Variants in ADSL observed in about 807,000 individuals in gnomAD.
The protein encoded by ADSL is adenylosuccinate lyase, also known as adenylosuccinase.
A neutral mutation model predicts 62.1 loss-of-function variants in ADSL; 44 were observed. That is an observed-to-expected ratio of 0.71 (90% CI 0.56 to 0.91). The LOEUF is 0.91. Among genes scored for constraint, ADSL ranks in the 40% least tolerant of loss-of-function variants. ADSL has a pLI of 0.00. For synonymous variants in ADSL, 198 were observed against 220.5 expected (o/e 0.90, Z 0.90); for missense variants, 531 against 627.4 (o/e 0.85, Z 1.64).
Position 40,353,136 on chromosome 22 carries a change from T to G in ADSL, c.402+19T>G, listed in dbSNP as rs2044412056. The G allele has an allele frequency of 1.2e-6, 2 of 1,605,406 alleles. No individual in the cohort carries two copies. Among genetic ancestry groups the G allele is most frequent in the Non-Finnish European group, 1.7e-6 (2 of 1,172,062 alleles). ...GCCAAAGGTAAGGAGTTGGCAGATG[T>G]TTCCTACCAACCCTAGATTCCCTAT... On this transcript the variant is annotated intron_variant, in intron 3 of 12. Transcript: ENST00000623063.
Position 40,346,729 on chromosome 22 carries a change from G to A in ADSL, c.153+18G>A, listed in dbSNP as rs777474271. On this transcript the variant is annotated intron_variant, in intron 1 of 12. Coordinates refer to ENST00000623063, the MANE Select transcript of ADSL (RefSeq NM_000026.4). ...CCGAGCAGGTAACGGATCCCGGGCT[G>A]AGGGGCTGGGCCGGGAGGGACGGGC... 1 of 1,591,756 alleles carries A rather than the reference G, an allele frequency of 6.3e-7. No homozygotes were observed.
At chr22:40,370,774 C>A (rs2045255354), downstream of ADSL, 1 of 152,320 alleles carries the variant, frequency 6.6e-6, no homozygotes, top group South Asian at 2.1e-4. Flanking sequence ...TGTGGTCGGA[C>A]TGTCCGACCG....
At chr22:40,379,275 T>C (rs2047175426) in intron 2 of ADSL, 1 of 152,248 alleles carries the variant, frequency 6.6e-6, no homozygotes. Flanking sequence ...TGAATGAGTA[T>C]TTCCTCAACA....
intron 2 of ADSL, among the ~76,000 whole-genome samples, chr22:40,351,584 G>C (rs543783422): frequency 9.8e-5 from 15 of 152,348 alleles, no homozygotes; most frequent in African/African-American, 3.4e-4. Context: ...TGGGATTACA[G>C]GAGTGAGCCA....
Position 40,364,860 on chromosome 22 carries a change from A to C in ADSL, c.1192-20A>C, listed in dbSNP as rs756859090. The C allele has an allele frequency of 4.3e-6, 7 of 1,613,900 alleles. No homozygotes were observed. The highest frequency in any genetic ancestry group is 1.3e-5 in the African/African-American group (1 of 74,924). Reference sequence around the variant, plus strand: ...ACGCCCTGTTAGTAGGGAACTGACAATACTTCACTGTCTTCCCAGGATTGC... The same window carrying C: ...ACGCCCTGTTAGTAGGGAACTGACACTACTTCACTGTCTTCCCAGGATTGC... On this transcript the variant is annotated intron_variant, in intron 11 of 12. Coordinates refer to ENST00000623063, the MANE Select transcript of ADSL (RefSeq NM_000026.4).
At chr22:40,364,822 T>C in intron 11 of ADSL, 58 bp from the exon 12 acceptor site, 3 of 1,578,910 alleles carry the variant, frequency 1.9e-6, no homozygotes, top group Non-Finnish European at 2.6e-6. Flanking sequence ...GATGACTTTT[T>C]AAAAGTGTTC....
chr22:40,375,591 AAAG>A (rs1159402399), intron 2 of ADSL, among the ~76,000 whole-genome samples: 1 of 152,038 alleles, frequency 6.6e-6, no homozygotes, highest in African/African-American at 2.4e-5. Context: ...AAAAAAAAAA[AAAG>A]AGATTGACAC....
At chr22:40,377,885 T>G (rs946170576) in intron 2 of ADSL, among the ~76,000 whole-genome samples, 2 of 151,832 alleles carry the variant, frequency 1.3e-5, no homozygotes, top group African/African-American at 4.8e-5. Flanking sequence ...CAGCTAACTT[T>G]AACCTGAAGA....
At chr22:40,372,519 C>G (rs543393212), downstream of ADSL, 2 of 152,190 alleles carry the variant, frequency 1.3e-5, no homozygotes, top group African/African-American at 4.8e-5. Context: ...TTAACATAAC[C>G]CATGACCAGA....
chr22:40,361,575 A>G lies in ADSL; in HGVS notation c.950A>G (p.Asp317Gly). ...LARHLMTLVM[D>G]PLQTASVQWF... ...CGCCACCTGATGACCCTTGTCATGGACCCGCTACAGACAGCATCTGTCCAG... is the reference window on the plus strand; with the variant it reads ...CGCCACCTGATGACCCTTGTCATGGGCCCGCTACAGACAGCATCTGTCCAG... Residue 317 changes from aspartate (D) to glycine (G), a missense_variant, in exon 9 of 13, where the codon GAC (aspartate) becomes GGC (glycine). Transcript: ENST00000623063. The G allele has an allele frequency of 6.2e-7, 1 of 1,614,198 alleles. No individual in the cohort carries two copies. The highest frequency in any genetic ancestry group is 8.5e-7 in the Non-Finnish European group (1 of 1,180,046).
At chr22:40,355,538 T>A (rs933389185) in intron 4 of ADSL, among the ~76,000 whole-genome samples, 12 of 152,228 alleles carry the variant, frequency 7.9e-5, no homozygotes, top group Admixed American at 6.5e-5. Context: ...AATATCCATG[T>A]TGAATCAGAA....
chr22:40,386,036 T>TG (rs56007538), intron 2 of ADSL, among the ~76,000 whole-genome samples: 11 of 149,744 alleles, frequency 7.3e-5, no homozygotes, highest in African/African-American at 2.7e-4. Flanking sequence ...TTTTTTTTTT[T>TG]GTTTTTTTTG....
At chr22:40,357,264 TTTTTTTG>T in intron 4 of ADSL, among the ~76,000 whole-genome samples, 1 of 149,228 alleles carries the variant, frequency 6.7e-6, no homozygotes, top group South Asian at 2.2e-4. Flanking sequence ...TTTTTTTTTT[TTTTTTTG>T]ACATGGAGTT....
At chr22:40,359,773 T>G (rs565163779) in intron 6 of ADSL, among the ~76,000 whole-genome samples, 1 of 152,278 alleles carries the variant, frequency 6.6e-6, no homozygotes, top group Non-Finnish European at 1.5e-5. Flanking sequence ...GATCAAGCGA[T>G]CCACCTGCCT....
chr22:40,350,447 T>G (rs556052917), intron 2 of ADSL: 1 of 187,440 alleles, frequency 5.3e-6, no homozygotes, highest in East Asian at 1.5e-4. Flanking sequence ...TTTAAAGGTA[T>G]CTTGGTTGAA....
chr22:40,359,649 C>T (rs1315048453), intron 6 of ADSL, among the ~76,000 whole-genome samples: 1 of 151,912 alleles, frequency 6.6e-6, no homozygotes, highest in South Asian at 2.1e-4. Flanking sequence ...GCAGTCCTTC[C>T]ACCTAAGCCC....
chr22:40,364,775 T>C (rs2044934670), intron 11 of ADSL, 105 bp from the exon 12 acceptor site: 30 of 1,225,926 alleles, frequency 2.4e-5, no homozygotes, highest in Middle Eastern at 2.0e-4. Context: ...AGGGGTTTTG[T>C]GTAGAGCTGT....
At chr22:40,381,904 A>G (rs1176456731) in intron 2 of ADSL, among the ~76,000 whole-genome samples, 1 of 152,236 alleles carries the variant, frequency 6.6e-6, no homozygotes, top group Non-Finnish European at 1.5e-5. Context: ...AGTTGCAGTG[A>G]GCCAAGATTC....
At chr22:40,380,539 G>C (rs1158623631) in intron 2 of ADSL, among the ~76,000 whole-genome samples, 2 of 151,840 alleles carry the variant, frequency 1.3e-5, no homozygotes, top group Admixed American at 1.3e-4. Context: ...GCTAATTCTT[G>C]TATTTCTAAT....
Sources: gnomAD v4.1 joint callset for allele counts (sites outside exome capture counted in the v4.1 genomes callset) on GRCh38, gnomAD v4.1.1 for gene constraint, MANE v1.5 for transcripts, NCBI Gene and HGNC (gene_info 2026-07-23, HGNC 2026-07-21) for gene names.